The following TRDN variants were observed in gnomAD, a reference collection of about 807,000 sequenced individuals.
TRDN encodes triadin in skeletal muscle.
TRDN carries 161 observed loss-of-function variants against 149.7 expected under a neutral mutation model. The ratio of observed to expected loss-of-function variants is 1.08; its 90% confidence interval spans 0.95 to 1.23. TRDN has a LOEUF of 1.23. Among genes scored for constraint, TRDN ranks in the 50% most tolerant of loss-of-function variants. TRDN has a pLI of 0.00. For missense variants in TRDN, 896 were observed against 823.5 expected (o/e 1.09, Z -1.08); for synonymous variants, 294 against 250.5 (o/e 1.17, Z -1.64).
At chr6:123,385,870 AG>A (rs780981492) in intron 14 of TRDN, among the ~76,000 whole-genome samples, 5 of 152,122 alleles carry the variant, frequency 3.3e-5, no homozygotes, top group African/African-American at 4.8e-5. Flanking sequence ...CACACACCTA[AG>A]AAGGACAGTC....
At chr6:123,494,921 A>T (rs1778376557) in intron 9 of TRDN, among the ~76,000 whole-genome samples, 2 of 151,848 alleles carry the variant, frequency 1.3e-5, no homozygotes, top group South Asian at 4.2e-4. Flanking sequence ...TTTAGTAGAG[A>T]CGGGGTTTCA....
intron 38 of TRDN, among the ~76,000 whole-genome samples, chr6:123,231,905 C>T (rs888886009): frequency 6.6e-6 from 1 of 151,930 alleles, no homozygotes; most frequent in Non-Finnish European, 1.5e-5. Flanking sequence ...AGAGTAGAAT[C>T]CCCTCTTGGG....
At chr6:123,412,651 G>T (rs1582987368) in intron 12 of TRDN, among the ~76,000 whole-genome samples, 1 of 152,058 alleles carries the variant, frequency 6.6e-6, no homozygotes, top group East Asian at 1.9e-4. Context: ...ATCATCATTG[G>T]TTACATCTCT....
chr6:123,448,705 C>T (rs1264563568), intron 10 of TRDN, among the ~76,000 whole-genome samples: 1 of 152,134 alleles, frequency 6.6e-6, no homozygotes, highest in Non-Finnish European at 1.5e-5. Flanking sequence ...CTCCATACTA[C>T]TGCAGCTGAT....
intron 10 of TRDN, among the ~76,000 whole-genome samples, chr6:123,450,533 T>C (rs1775706493): frequency 6.6e-6 from 1 of 152,044 alleles, no homozygotes; most frequent in Non-Finnish European, 1.5e-5. Context: ...AAAGGTCTTG[T>C]CCAACAGGAA....
At chr6:123,422,486 G>C (rs148104302) in intron 12 of TRDN, among the ~76,000 whole-genome samples, 264 of 152,238 alleles carry the variant, frequency 1.7e-3, no homozygotes, top group African/African-American at 6.0e-3. Flanking sequence ...GATTCAGAGA[G>C]AGAGCCATGA....
intron 2 of TRDN, among the ~76,000 whole-genome samples, chr6:123,558,718 A>G (rs1192112074): frequency 6.6e-6 from 1 of 152,186 alleles, no homozygotes; most frequent in East Asian, 1.9e-4. Context: ...CCACAACAGG[A>G]CTTAATTAAC....
intron 19 of TRDN, among the ~76,000 whole-genome samples, chr6:123,373,340 G>T (rs1781391884): frequency 2.0e-5 from 3 of 152,114 alleles, no homozygotes; most frequent in Admixed American, 6.6e-5. Context: ...GATGTGACTT[G>T]CTCCTCCTTG....
intron 12 of TRDN, among the ~76,000 whole-genome samples, chr6:123,401,717 G>A (rs78030125): frequency 0.015 from 2,279 of 152,194 alleles, 48 homozygotes; most frequent in East Asian, 0.076. Context: ...CACCAAGGTA[G>A]GTGGATCACC....
chr6:123,571,050 T>C lies in TRDN; in HGVS notation c.105A>G (p.Thr35=), dbSNP rs1782552341. ...ACGTCGTCACTATGTCTTCTGTGAC[T>C]GTCCTCTTCAGCACTTTTCCGGGGG... ...PKSPGKVLKR[T]VTEDIVTTFS... Residue 35 remains threonine, a synonymous_variant, in exon 2 of 41, where the codon ACA becomes ACG. Transcript: ENST00000334268. 1.2e-6 allele frequency: 2 copies of C among 1,613,918 alleles called. No individual in the cohort carries two copies. Among genetic ancestry groups the C allele is most frequent in the South Asian group, 2.2e-5 (2 of 91,094 alleles).
chr6:123,400,244 C>T (rs1404953438), intron 12 of TRDN, among the ~76,000 whole-genome samples: 3 of 144,314 alleles, frequency 2.1e-5, no homozygotes, highest in South Asian at 2.2e-4. Context: ...TCTGATTTAG[C>T]CATATTCTTC....
chr6:123,376,130 A>G (rs772314170), intron 18 of TRDN, among the ~76,000 whole-genome samples: 2 of 152,194 alleles, frequency 1.3e-5, no homozygotes, highest in Non-Finnish European at 2.9e-5. Flanking sequence ...GTCAGGTTCA[A>G]TATTAGACAG....
chr6:123,583,671 T>A (rs144223945), intron 1 of TRDN, among the ~76,000 whole-genome samples: 2 of 152,000 alleles, frequency 1.3e-5, no homozygotes, highest in Admixed American at 6.5e-5. Context: ...GAATTATGTC[T>A]GACAGAAGGG....
At chr6:123,426,911 T>A (rs936186652) in intron 12 of TRDN, among the ~76,000 whole-genome samples, 53 of 152,088 alleles carry the variant, frequency 3.5e-4, no homozygotes, top group African/African-American at 1.3e-3. Flanking sequence ...CAAACAAACT[T>A]TCTAAAAAAT....
chr6:123,424,091 A>AT (rs1218328864), intron 12 of TRDN, among the ~76,000 whole-genome samples: 1 of 152,090 alleles, frequency 6.6e-6, no homozygotes, highest in Non-Finnish European at 1.5e-5. Context: ...GTCCATTGTC[A>AT]TTTTTTGTTG....
chr6:123,577,049 G>A (rs982540649), intron 1 of TRDN, among the ~76,000 whole-genome samples: 1 of 152,060 alleles, frequency 6.6e-6, no homozygotes, highest in Non-Finnish European at 1.5e-5. Context: ...AGGAACATTA[G>A]CACTGTTGAG....
At chr6:123,233,903 A>AATC (rs146766776) in intron 38 of TRDN, among the ~76,000 whole-genome samples, 8,026 of 152,012 alleles carry the variant, frequency 0.053, 627 homozygotes, top group African/African-American at 0.18. Flanking sequence ...GTCATTACAT[A>AATC]ATCATCATCA....
chr6:123,480,235 T>C (rs1165076145), intron 9 of TRDN, among the ~76,000 whole-genome samples: 2 of 141,310 alleles, frequency 1.4e-5, no homozygotes, highest in Admixed American at 7.4e-5. Context: ...CATAACAGAG[T>C]GACACTCCGT....
intron 8 of TRDN, among the ~76,000 whole-genome samples, chr6:123,499,568 G>A (rs1778590223): frequency 6.7e-6 from 1 of 150,330 alleles, no homozygotes; most frequent in African/African-American, 2.4e-5. Context: ...GCTGGGCATG[G>A]TGGAGGGCAC....
Sources: allele counts gnomAD v4.1 joint callset (sites outside exome capture counted in the v4.1 genomes callset), GRCh38; gene constraint gnomAD v4.1.1; transcripts MANE v1.5; gene names NCBI Gene and HGNC (gene_info 2026-07-23, HGNC 2026-07-21).